Variants in TAFA5 observed in about 807,000 individuals in gnomAD.
The protein encoded by TAFA5 is TAFA chemokine like family member 5, also known as chemokine-like protein TAFA-5.
A neutral mutation model predicts 15.3 loss-of-function variants in TAFA5; 6 were observed. The observed-to-expected ratio is 0.39, with a 90% CI of 0.21 to 0.77. The LOEUF is 0.77. Ranked by LOEUF, TAFA5 falls within the 30% of genes least tolerant of loss-of-function variation. The pLI, the probability that TAFA5 is intolerant of heterozygous loss-of-function variation, is 0.41. For synonymous variants in TAFA5, 103 were observed against 80.7 expected, an observed-to-expected ratio of 1.28 and a Z score of -1.48; for missense variants, 161 against 193.1, an observed-to-expected ratio of 0.83 and a Z score of 0.98.
rs1314687150 is a variant in TAFA5, at chr22:48,554,601, T to A, written c.112+64897T>A. Reference sequence around the variant, plus strand: ...TGAGATTGCTGAGGTTCAGCGGAGGTCACAGCAGCTTCATCATCAGGTTAT... The same window carrying A: ...TGAGATTGCTGAGGTTCAGCGGAGGACACAGCAGCTTCATCATCAGGTTAT... On this transcript the variant is annotated intron_variant, in intron 1 of 3. Transcript: ENST00000402357. Among the ~76,000 whole-genome samples, 8 of 152,230 alleles carry A rather than the reference T, an allele frequency of 5.3e-5. No homozygotes were observed. The Middle Eastern group carries it at 0.01, about 194-fold the overall frequency.
intron 2 of TAFA5, among the ~76,000 whole-genome samples, chr22:48,665,124 C>T (rs1393439021): frequency 1.3e-5 from 2 of 152,168 alleles, no homozygotes; most frequent in Non-Finnish European, 2.9e-5. Flanking sequence ...TTTTGCTGAG[C>T]CTACGGTGTT....
intron 3 of TAFA5, among the ~76,000 whole-genome samples, chr22:48,719,808 T>A (rs1003302888): frequency 6.6e-6 from 1 of 152,226 alleles, no homozygotes; most frequent in African/African-American, 2.4e-5. Flanking sequence ...CTGGACATTT[T>A]AATAGATTCT....
chr22:48,603,131 G>A (rs1317880498), intron 1 of TAFA5, among the ~76,000 whole-genome samples: 1 of 152,256 alleles, frequency 6.6e-6, no homozygotes, highest in Non-Finnish European at 1.5e-5. Flanking sequence ...TCCAGGACCT[G>A]CTGGCTGGTG....
chr22:48,656,074 C>T (rs979632778), intron 2 of TAFA5, among the ~76,000 whole-genome samples: 27 of 151,524 alleles, frequency 1.8e-4, no homozygotes, highest in African/African-American at 6.6e-4. Context: ...GAACTCCTGA[C>T]CTCCTGATCC....
chr22:48,673,292 T>G (rs1254533157), intron 2 of TAFA5, among the ~76,000 whole-genome samples: 1 of 138,684 alleles, frequency 7.2e-6, no homozygotes, highest in Non-Finnish European at 1.6e-5. Context: ...TGAAAAAGAT[T>G]AAACAGAGTT....
rs1474147825 is a variant in TAFA5, at chr22:48,530,382, A to T, written c.112+40678A>T. Among the ~76,000 whole-genome samples, 1 of 152,174 alleles carries T rather than the reference A, an allele frequency of 6.6e-6. No homozygotes were observed. The highest frequency in any genetic ancestry group is 1.9e-4 in the East Asian group (1 of 5,190). ...GGGGCCATCACCTGCTGGAGCCCAG[A>T]GAAGGAATGCACCGGGCACTGTCGT... On this transcript the variant is annotated intron_variant, in intron 1 of 3. Transcript: ENST00000402357. The surrounding 1 kb of genome is among the most constrained non-coding windows in gnomAD (Gnocchi z 6.0).
chr22:48,629,041 C>T (rs140014496), intron 1 of TAFA5, among the ~76,000 whole-genome samples: 2,948 of 152,260 alleles, frequency 0.019, 58 homozygotes, highest in South Asian at 0.1. Context: ...AGCTGCCGGG[C>T]AGAGGGGAAG....
chr22:48,505,005 C>T (rs910079375), intron 1 of TAFA5, among the ~76,000 whole-genome samples: 4 of 152,228 alleles, frequency 2.6e-5, no homozygotes, highest in Non-Finnish European at 5.9e-5. Context: ...CTGCCAGCCA[C>T]ACTGGAGCCC....
intron 2 of TAFA5, among the ~76,000 whole-genome samples, chr22:48,695,752 C>A (rs910574): frequency 0.14 from 22,050 of 152,238 alleles, 2,097 homozygotes; most frequent in Non-Finnish European, 0.21. Context: ...CCTTCCTGAG[C>A]TGCCGACTCT....
In TAFA5 at chr22:48,550,703, G is replaced by T. The variant is rs1488419419; in HGVS notation, c.112+60999G>T. Among the ~76,000 whole-genome samples the T allele has an allele frequency of 6.6e-6, 1 of 152,110 alleles. No homozygotes were observed. Among genetic ancestry groups the T allele is most frequent in the Admixed American group, 6.5e-5 (1 of 15,276 alleles). Reference sequence around the variant, plus strand: ...GTGGCTTGCCTGGGACCACACAGTGGTTGGGTGTGGAGTCCGGACAAGGTA... The same window carrying T: ...GTGGCTTGCCTGGGACCACACAGTGTTTGGGTGTGGAGTCCGGACAAGGTA... On this transcript the variant is annotated intron_variant, in intron 1 of 3. Coordinates refer to ENST00000402357, the MANE Select transcript of TAFA5 (RefSeq NM_001082967.3). The surrounding 1 kb of genome is among the most constrained non-coding windows in gnomAD (Gnocchi z 4.1).
At chr22:48,694,348 G>A (rs1227487993) in intron 2 of TAFA5, among the ~76,000 whole-genome samples, 3 of 152,186 alleles carry the variant, frequency 2.0e-5, no homozygotes, top group Non-Finnish European at 2.9e-5. Flanking sequence ...AGAAATGACT[G>A]TGTGGCATAG....
chr22:48,539,063 G>C (rs1922269623), intron 1 of TAFA5: 1 of 238,690 alleles, frequency 4.2e-6, no homozygotes, highest in African/African-American at 2.2e-5. Flanking sequence ...AGCCTGTGGG[G>C]TGGGCACTGG....
At chr22:48,492,665 C>T (rs777381798) in intron 1 of TAFA5, among the ~76,000 whole-genome samples, 2 of 152,140 alleles carry the variant, frequency 1.3e-5, no homozygotes, top group Non-Finnish European at 2.9e-5. Context: ...GAGACGCAAA[C>T]AGGGGAAAGG....
chr22:48,565,318 TAG>T (rs1301040375), intron 1 of TAFA5, among the ~76,000 whole-genome samples: 1 of 152,102 alleles, frequency 6.6e-6, no homozygotes, highest in Non-Finnish European at 1.5e-5. Flanking sequence ...TAGCGGTGGG[TAG>T]AGGAGTGGGA....
intron 2 of TAFA5, among the ~76,000 whole-genome samples, chr22:48,659,150 C>T (rs537541897): frequency 1.3e-5 from 2 of 152,334 alleles, no homozygotes; most frequent in South Asian, 2.1e-4. Flanking sequence ...GCTGCAGAGG[C>T]GGGACACAGG....
In TAFA5 at chr22:48,517,932, G is replaced by A. The variant is rs533912208; in HGVS notation, c.112+28228G>A. Among the ~76,000 whole-genome samples, 6 of 152,352 alleles carry A rather than the reference G, an allele frequency of 3.9e-5. No homozygotes were observed. The South Asian group carries it at 1.2e-3, about 32-fold the overall frequency. ...GCTCACATGTGACGGTGCGGGGGCA[G>A]CCTCGTGAAAAGCCCCTTTGTGTCT... is the stretch of plus-strand genomic sequence containing the variant. On this transcript the variant is annotated intron_variant, in intron 1 of 3. Coordinates refer to ENST00000402357, the MANE Select transcript of TAFA5 (RefSeq NM_001082967.3).
At chr22:48,681,429 G>A (rs1928180925) in intron 2 of TAFA5, among the ~76,000 whole-genome samples, 1 of 150,872 alleles carries the variant, frequency 6.6e-6, no homozygotes, top group Non-Finnish European at 1.5e-5. Flanking sequence ...GATTGCCTGA[G>A]CTCAGGAGTT....
chr22:48,542,138 T>TGTGTGTGTGTG (rs1555886569), intron 1 of TAFA5, among the ~76,000 whole-genome samples: 4 of 128,596 alleles, frequency 3.1e-5, no homozygotes, highest in African/African-American at 1.1e-4. Context: ...GTGATGTGTA[T>TGTGTGTGTGTG]GTGTGTGTGT....
chr22:48,549,267 G>T (rs909695146), intron 1 of TAFA5, among the ~76,000 whole-genome samples: 2 of 152,192 alleles, frequency 1.3e-5, no homozygotes, highest in Non-Finnish European at 2.9e-5. Context: ...TCCAGCCCAG[G>T]CCTGATGTTG....
Sources: gnomAD v4.1 joint callset for allele counts (sites outside exome capture counted in the v4.1 genomes callset) on GRCh38, gnomAD v4.1.1 for gene constraint, Gnocchi (gnomAD v3.1) non-coding constraint, MANE v1.5 for transcripts, NCBI Gene and HGNC (gene_info 2026-07-23, HGNC 2026-07-21) for gene names.